CRACD: variants seen among roughly 807,000 people sequenced by gnomAD.
CRACD encodes capping protein inhibiting regulator of actin dynamics.
Under a neutral mutation model 106.8 loss-of-function variants are expected in CRACD, and 56 were observed. The observed-to-expected ratio is 0.52, with a 90% CI of 0.42 to 0.66. CRACD has a LOEUF of 0.66. Ranked by LOEUF, CRACD falls within the 30% of genes least tolerant of loss-of-function variation. CRACD has a pLI of 0.00. For missense variants in CRACD, 1,730 were observed against 1,623.2 expected (o/e 1.07, Z -1.13); for synonymous variants, 754 against 670.8 (o/e 1.12, Z -1.92).
intron 2 of CRACD, among the ~76,000 whole-genome samples, chr4:56,211,025 G>A (rs531163758): frequency 1.3e-5 from 2 of 152,200 alleles, no homozygotes; most frequent in East Asian, 3.9e-4. Context: ...AATCTTTTTA[G>A]ACACTTCTGC....
At chr4:56,054,238 T>C (rs900340381) in intron 1 of CRACD, among the ~76,000 whole-genome samples, 2 of 152,208 alleles carry the variant, frequency 1.3e-5, no homozygotes, top group Non-Finnish European at 2.9e-5. Flanking sequence ...TGGAGTGCAG[T>C]GATGTAACCA....
At chr4:56,126,123 A>G (rs1271690681) in intron 1 of CRACD, among the ~76,000 whole-genome samples, 2 of 152,192 alleles carry the variant, frequency 1.3e-5, no homozygotes, top group Non-Finnish European at 2.9e-5. Context: ...GAAACCCTTC[A>G]AGCCAATTCC....
intron 2 of CRACD, among the ~76,000 whole-genome samples, chr4:56,233,077 T>C (rs900272542): frequency 6.6e-6 from 1 of 152,138 alleles, no homozygotes; most frequent in Non-Finnish European, 1.5e-5. Flanking sequence ...TTACCATTTG[T>C]ATATCTACTT....
chr4:56,210,965 A>G (rs1447144337), intron 2 of CRACD, among the ~76,000 whole-genome samples: 2 of 152,176 alleles, frequency 1.3e-5, no homozygotes, highest in Non-Finnish European at 2.9e-5. Context: ...AGAATAAAGC[A>G]TTTTATTTGC....
At chr4:56,190,300 A>G (rs1737312316) in intron 2 of CRACD, among the ~76,000 whole-genome samples, 1 of 152,118 alleles carries the variant, frequency 6.6e-6, no homozygotes, top group Admixed American at 6.5e-5. Context: ...GTGTCTTTAT[A>G]GCTGCATGAT....
Position 56,315,841 on chromosome 4 carries a change from G to T in CRACD, c.2339G>T (p.Arg780Leu). The T allele has an allele frequency of 6.2e-7, 1 of 1,614,094 alleles. No individual in the cohort carries two copies. The highest frequency in any genetic ancestry group is 8.5e-7 in the Non-Finnish European group (1 of 1,180,014). The change falls in exon 8 of 11, where the codon CGG becomes CTG. Residue 780 changes from arginine to leucine, a missense_variant. Physicochemically the swap from Arg to Leu is moderately radical, Grantham distance 102. Coordinates refer to ENST00000682029, the MANE Select transcript of CRACD (RefSeq NM_001393381.1). This position sits in a 1 kb window ranked among gnomAD's most constrained non-coding sequence, Gnocchi z 4.1. The stretch of plus-strand genomic sequence containing the variant: ...GGTCCGGAGAAGTCGGAGATGCACC[G>T]GGAGCCCGCAGACACCACCGAGGGA... ...GKGPEKSEMH[R>L]EPADTTEGCK...
chr4:56,308,759 C>T (rs1479886712), intron 5 of CRACD: 3 of 985,346 alleles, frequency 3.0e-6, no homozygotes, highest in South Asian at 4.7e-5. Context: ...CCATCTCTCC[C>T]GGCAGCTCTA....
At chr4:56,116,141 C>G (rs1734267928) in intron 1 of CRACD, among the ~76,000 whole-genome samples, 1 of 152,114 alleles carries the variant, frequency 6.6e-6, no homozygotes, top group Admixed American at 6.6e-5. Context: ...GATTGTAAGT[C>G]TTCTTTCTCA....
At chr4:56,145,498 G>A (rs1264459841) in intron 1 of CRACD, among the ~76,000 whole-genome samples, 1 of 152,098 alleles carries the variant, frequency 6.6e-6, no homozygotes, top group Non-Finnish European at 1.5e-5. Flanking sequence ...TGAAATGAGT[G>A]TTCAGTGGAA....
At position 56,261,914 on chromosome 4, in the gene CRACD, A is replaced by G. The variant is rs140259562; in HGVS notation, c.-188-10407A>G. 5.1e-4 allele frequency among the ~76,000 whole-genome samples: 78 copies of G among 152,298 alleles called. No individual in the cohort carries two copies. The East Asian group carries it at 0.014, about 28-fold the overall frequency. ...AGTCAGCTCTGCTATAAAGCCATAT[A>G]TGCATTGCTAAAAATCCACATACTT... On this transcript the variant is annotated intron_variant, in intron 2 of 10. Transcript: ENST00000682029.
At chr4:56,270,672 G>T (rs868063974) in intron 2 of CRACD, among the ~76,000 whole-genome samples, 7 of 152,018 alleles carry the variant, frequency 4.6e-5, no homozygotes, top group African/African-American at 1.5e-4. Context: ...CGTGTCTCAG[G>T]TTCCTCATCT....
At chr4:56,281,207 C>T (rs1197910926) in intron 3 of CRACD, among the ~76,000 whole-genome samples, 3 of 152,208 alleles carry the variant, frequency 2.0e-5, no homozygotes, top group Non-Finnish European at 2.9e-5. Context: ...CCTATCAGAT[C>T]AGCAGCTGCA....
In CRACD at chr4:56,267,835, A is replaced by T. The variant is rs368886459; in HGVS notation, c.-188-4486A>T. Among the ~76,000 whole-genome samples the T allele has an allele frequency of 1.1e-3, 167 of 152,348 alleles. 4 individuals carry two copies. The South Asian group carries it at 0.033, about 30-fold the overall frequency. The stretch of plus-strand genomic sequence containing the variant: ...CCCATATTAAGTGTGGCAAAGAATG[A>T]TAGGGTACCTTTTTGATAAACAGTC... On this transcript the variant is annotated intron_variant, in intron 2 of 10. Coordinates refer to ENST00000682029, the MANE Select transcript of CRACD (RefSeq NM_001393381.1).
chr4:56,271,782 G>A (rs1249136004), intron 2 of CRACD, among the ~76,000 whole-genome samples: 3 of 151,976 alleles, frequency 2.0e-5, no homozygotes, highest in Admixed American at 2.0e-4. Flanking sequence ...GTCTCACTCT[G>A]TTGCTCAGAC....
rs1402349910 is a variant in CRACD at position 56,330,508 on chromosome 4, T to G, written c.*2704T>G. 6.6e-6 allele frequency among the ~76,000 whole-genome samples: 1 copy of G among 152,202 alleles called. No individual in the cohort carries two copies. The highest frequency in any genetic ancestry group is 1.5e-5 in the Non-Finnish European group (1 of 68,030). ...TAGAGACTTAATGAAAATACCTTAG[T>G]GTGATTTTAATATAATTTGCATATT... On this transcript the variant is annotated 3_prime_UTR_variant, in exon 11 of 11. Coordinates refer to ENST00000682029, the MANE Select transcript of CRACD (RefSeq NM_001393381.1).
At chr4:56,311,176 C>G (rs1745135398) in intron 6 of CRACD, 1 of 170,188 alleles carries the variant, frequency 5.9e-6, no homozygotes, top group African/African-American at 2.4e-5. Flanking sequence ...TTTTCTGTGT[C>G]CTTTTTTTTA....
At chr4:56,300,837 C>T (rs550102843) in intron 4 of CRACD, among the ~76,000 whole-genome samples, 50 of 152,082 alleles carry the variant, frequency 3.3e-4, no homozygotes, top group Non-Finnish European at 6.0e-4. Flanking sequence ...AAGATAGAAA[C>T]CCAATAAAAA....
intron 2 of CRACD, among the ~76,000 whole-genome samples, chr4:56,205,468 A>G (rs1208798075): frequency 6.6e-6 from 1 of 152,108 alleles, no homozygotes; most frequent in Non-Finnish European, 1.5e-5. Context: ...ATGGAATACC[A>G]AGCGTGCCCC....
chr4:56,088,153 T>A (rs1733295242), intron 1 of CRACD, among the ~76,000 whole-genome samples: 1 of 151,664 alleles, frequency 6.6e-6, no homozygotes, highest in Non-Finnish European at 1.5e-5. Context: ...TTTTTTTCTT[T>A]TCAGCTTTTA....
Sources: gnomAD v4.1 joint callset for allele counts (sites outside exome capture counted in the v4.1 genomes callset) on GRCh38, gnomAD v4.1.1 for gene constraint, Gnocchi (gnomAD v3.1) non-coding constraint, MANE v1.5 for transcripts, NCBI Gene and HGNC (gene_info 2026-07-23, HGNC 2026-07-21) for gene names.